Variants in PARD3B observed in about 807,000 individuals in gnomAD.
The protein encoded by PARD3B is partitioning defective 3 homolog B.
In PARD3B, 103 loss-of-function variants were observed where a neutral mutation model predicts 130.2. That is an observed-to-expected ratio of 0.79 (90% CI 0.67 to 0.93). The LOEUF (loss-of-function observed/expected upper bound fraction) is 0.93, where lower values mean the gene tolerates loss of function less well. PARD3B is among the 40% of genes least tolerant of loss of function. The probability of loss-of-function intolerance (pLI) is 0.00; values close to 1 mark genes in which losing one functional copy is unlikely to be tolerated. For missense variants in PARD3B, 1,609 were observed against 1,499.2 expected, an observed-to-expected ratio of 1.07 and a Z score of -1.21; for synonymous variants, 583 against 553.2, an observed-to-expected ratio of 1.05 and a Z score of -0.76.
chr2:205,315,405 C>A (rs1035028600), intron 18 of PARD3B, among the ~76,000 whole-genome samples: 1 of 152,146 alleles, frequency 6.6e-6, no homozygotes, highest in African/African-American at 2.4e-5. Context: ...TCATAGTATT[C>A]TGCCTTGGGA....
At chr2:205,130,384 C>T (rs749711094) in intron 10 of PARD3B, among the ~76,000 whole-genome samples, 19 of 152,134 alleles carry the variant, frequency 1.2e-4, no homozygotes, top group Non-Finnish European at 2.4e-4. Context: ...ACCTGAAATT[C>T]TTTCTTATGC....
At chr2:204,862,172 C>T (rs892636015) in intron 2 of PARD3B, among the ~76,000 whole-genome samples, 1 of 152,110 alleles carries the variant, frequency 6.6e-6, no homozygotes, top group East Asian at 1.9e-4. Flanking sequence ...CCACTCCCAG[C>T]GATACAGCTC....
chr2:204,546,536 C>A (rs2029951811), intron 1 of PARD3B, among the ~76,000 whole-genome samples: 1 of 152,196 alleles, frequency 6.6e-6, no homozygotes. Context: ...TAAGGCCCGC[C>A]TCACTTAGGC....
At chr2:205,443,180 G>C (rs1254431145) in intron 20 of PARD3B, among the ~76,000 whole-genome samples, 1 of 152,088 alleles carries the variant, frequency 6.6e-6, no homozygotes, top group Non-Finnish European at 1.5e-5. Context: ...ATGAAAATCT[G>C]AACTTCCCTG....
intron 1 of PARD3B, among the ~76,000 whole-genome samples, chr2:204,653,063 CAAAAACTCATGGACACA>C (rs879543458): frequency 4.0e-5 from 6 of 150,884 alleles, no homozygotes; most frequent in South Asian, 4.2e-4. Context: ...CAAACCATAT[CAAAAACTCATGGACACA>C]AAAAACTCAT....
chr2:205,283,588 C>T (rs76738954), intron 16 of PARD3B, among the ~76,000 whole-genome samples: 2,309 of 152,216 alleles, frequency 0.015, 62 homozygotes, highest in African/African-American at 0.053. Flanking sequence ...TTTCTGTGAC[C>T]TTATTTGAAT....
In PARD3B at chr2:204,987,808, C is replaced by T. The variant is rs113909673; in HGVS notation, c.394+22485C>T. The stretch of plus-strand genomic sequence containing the variant: ...AACATGTATCAGAAAAAATTAGAAA[C>T]ATTATCTGTGATTCTTATATAGGGA... On this transcript the variant is annotated intron_variant, in intron 3 of 22. Transcript: ENST00000406610. Among the ~76,000 whole-genome samples the T allele has an allele frequency of 8.5e-3, 1,294 of 151,964 alleles. 24 individuals carry two copies. Among genetic ancestry groups the T allele is most frequent in the African/African-American group, 0.03 (1,228 of 41,406 alleles).
intron 1 of PARD3B, among the ~76,000 whole-genome samples, chr2:204,612,753 C>A (rs536946377): frequency 6.6e-6 from 1 of 151,150 alleles, no homozygotes; most frequent in East Asian, 2.0e-4. Flanking sequence ...CCCCACCCAC[C>A]CCTCCCTACT....
chr2:205,278,230 A>G (rs1473486878), intron 16 of PARD3B, among the ~76,000 whole-genome samples: 3 of 152,162 alleles, frequency 2.0e-5, no homozygotes, highest in Non-Finnish European at 4.4e-5. Flanking sequence ...GAGCAAGGAG[A>G]AAGTCGACTT....
At chr2:204,562,549 A>G (rs907821689) in intron 1 of PARD3B, among the ~76,000 whole-genome samples, 4 of 152,226 alleles carry the variant, frequency 2.6e-5, no homozygotes, top group Admixed American at 6.5e-5. Context: ...CTGTGGCTTT[A>G]TAAAATCTTC....
intron 15 of PARD3B, among the ~76,000 whole-genome samples, chr2:205,245,291 G>C (rs1050966647): frequency 3.3e-5 from 5 of 152,068 alleles, no homozygotes; most frequent in Non-Finnish European, 5.9e-5. Flanking sequence ...ATTGTTTCTT[G>C]TTTTGTCTAG....
chr2:204,732,315 T>A (rs1457695740), intron 2 of PARD3B, among the ~76,000 whole-genome samples: 2 of 152,104 alleles, frequency 1.3e-5, no homozygotes, highest in Non-Finnish European at 2.9e-5. Flanking sequence ...GAGGGAGTGC[T>A]AGAAAGGCAA....
At chr2:205,506,237 G>A (rs921938583) in intron 21 of PARD3B, among the ~76,000 whole-genome samples, 8 of 152,130 alleles carry the variant, frequency 5.3e-5, no homozygotes, top group African/African-American at 1.7e-4. Flanking sequence ...GGAGGCTGAG[G>A]CAGGAAAATC....
intron 2 of PARD3B, among the ~76,000 whole-genome samples, chr2:204,838,139 G>C (rs1002552508): frequency 1.4e-5 from 2 of 138,624 alleles, no homozygotes; most frequent in Non-Finnish European, 3.4e-5. Flanking sequence ...GCAAGAGGAG[G>C]CTTTTCAGAA....
chr2:205,273,628 T>C (rs1252506623), intron 16 of PARD3B, among the ~76,000 whole-genome samples: 1 of 152,148 alleles, frequency 6.6e-6, no homozygotes, highest in Non-Finnish European at 1.5e-5. Context: ...GTTCACTAAC[T>C]CCTCCTAGAT....
intron 2 of PARD3B, among the ~76,000 whole-genome samples, chr2:204,820,269 A>G (rs2043297080): frequency 6.6e-6 from 1 of 150,800 alleles, no homozygotes; most frequent in South Asian, 2.1e-4. Context: ...TAGAGACTGG[A>G]TTTCACCATG....
rs1009622668 is a variant in PARD3B at position 205,176,972 on chromosome 2, A to T, written c.1924+395A>T. ...TAATCCATAAAATGGTCATAGCGTG[A>T]TTCACAGATGATCCTCGATTCTAAT... On this transcript the variant is annotated intron_variant, in intron 13 of 22. Coordinates refer to ENST00000406610, the MANE Select transcript of PARD3B (RefSeq NM_001302769.2). The surrounding 1 kb of genome is among the most constrained non-coding windows in gnomAD (Gnocchi z 5.3). 9.9e-5 allele frequency among the ~76,000 whole-genome samples: 15 copies of T among 152,220 alleles called. No homozygotes were observed. Among genetic ancestry groups the T allele is most frequent in the Admixed American group, 9.8e-4 (15 of 15,284 alleles).
intron 3 of PARD3B, among the ~76,000 whole-genome samples, chr2:205,013,847 T>A (rs929112864): frequency 1.3e-5 from 2 of 152,094 alleles, no homozygotes; most frequent in African/African-American, 4.8e-5. Flanking sequence ...ATCTCTACTA[T>A]CTCAGTGGCA....
At position 205,592,652 on chromosome 2, in the gene PARD3B, A is replaced by G. The variant is rs571531210; in HGVS notation, c.3261-22804A>G. Among the ~76,000 whole-genome samples the G allele has an allele frequency of 6.6e-6, 1 of 152,358 alleles. No homozygotes were observed. Among genetic ancestry groups the G allele is most frequent in the African/African-American group, 2.4e-5 (1 of 41,596 alleles). On this transcript the variant is annotated intron_variant, in intron 22 of 22. Transcript: ENST00000406610. This position sits in a 1 kb window ranked among gnomAD's most constrained non-coding sequence, Gnocchi z 4.5. ...TATTTAAGGTTTTTCATGATCTTAT[A>G]TATCTTACCATATAAATCTAAATCA...
Sources: gnomAD v4.1 joint callset for allele counts (sites outside exome capture counted in the v4.1 genomes callset) on GRCh38, gnomAD v4.1.1 for gene constraint, Gnocchi (gnomAD v3.1) non-coding constraint, MANE v1.5 for transcripts, NCBI Gene and HGNC (gene_info 2026-07-23, HGNC 2026-07-21) for gene names.